DENND1A: variants seen among roughly 807,000 people sequenced by gnomAD.
The protein encoded by DENND1A is DENN domain containing 1A.
Under a neutral mutation model 113.7 loss-of-function variants are expected in DENND1A, and 51 were observed. The ratio of observed to expected loss-of-function variants is 0.45; its 90% confidence interval spans 0.36 to 0.57. DENND1A has a LOEUF of 0.57. DENND1A is among the 20% of genes least tolerant of loss of function. The pLI is 0.00. For missense variants in DENND1A, 1,258 were observed against 1,395.9 expected (o/e 0.90, Z 1.57); for synonymous variants, 565 against 570.8 (o/e 0.99, Z 0.14).
chr9:123,473,571 G>A (rs1330857219), intron 13 of DENND1A, among the ~76,000 whole-genome samples: 1 of 152,172 alleles, frequency 6.6e-6, no homozygotes, highest in Non-Finnish European at 1.5e-5. Flanking sequence ...CCAGACCTGT[G>A]TGCCCTCACT....
chr9:123,912,847 C>CCA (rs1156617969), intron 1 of DENND1A, among the ~76,000 whole-genome samples: 1 of 152,082 alleles, frequency 6.6e-6, no homozygotes, highest in Non-Finnish European at 1.5e-5. Flanking sequence ...TGGGACAAGA[C>CCA]CACTCCCCTC....
chr9:123,806,477 G>A (rs777427509), intron 2 of DENND1A, among the ~76,000 whole-genome samples: 1 of 152,068 alleles, frequency 6.6e-6, no homozygotes, highest in Non-Finnish European at 1.5e-5. Flanking sequence ...GGTTGGTCTC[G>A]AACTCCTGAC....
chr9:123,668,632 G>A (rs139054209), intron 7 of DENND1A, among the ~76,000 whole-genome samples: 2 of 152,332 alleles, frequency 1.3e-5, no homozygotes, highest in East Asian at 3.9e-4. Flanking sequence ...CACCATGACA[G>A]ACTGTTATAC....
chr9:123,789,635 C>G, intron 3 of DENND1A, among the ~76,000 whole-genome samples: 1 of 152,124 alleles, frequency 6.6e-6, no homozygotes, highest in East Asian at 1.9e-4. Context: ...TAATACATCT[C>G]CGGGACCACA....
chr9:123,646,707 A>T (rs1294213820), intron 9 of DENND1A, among the ~76,000 whole-genome samples: 1 of 151,970 alleles, frequency 6.6e-6, no homozygotes, highest in Non-Finnish European at 1.5e-5. Flanking sequence ...CTTATCGAGG[A>T]CCTATGATAC....
At chr9:123,728,479 C>CAAAAAAAAA (rs60761810) in intron 5 of DENND1A, among the ~76,000 whole-genome samples, 425 of 25,202 alleles carry the variant, frequency 0.017, 98 homozygotes, top group African/African-American at 0.033. Flanking sequence ...CTCTGTCTCC[C>CAAAAAAAAA]AAAAAAAAAA....
intron 13 of DENND1A, among the ~76,000 whole-genome samples, chr9:123,479,747 C>T (rs912797420): frequency 1.3e-5 from 2 of 152,238 alleles, no homozygotes; most frequent in Non-Finnish European, 2.9e-5. Context: ...GGACCCCAAA[C>T]GCCTTTTGGC....
chr9:123,856,926 T>C (rs1168894063), intron 2 of DENND1A, among the ~76,000 whole-genome samples: 3 of 151,496 alleles, frequency 2.0e-5, no homozygotes, highest in East Asian at 1.9e-4. Flanking sequence ...GTTACAAATA[T>C]GGAAAGGGAG....
intron 11 of DENND1A, among the ~76,000 whole-genome samples, chr9:123,593,508 C>T (rs1391099436): frequency 6.6e-6 from 1 of 152,086 alleles, no homozygotes; most frequent in East Asian, 1.9e-4. Context: ...GGCACAGTGT[C>T]ATGTGTTATT....
At chr9:123,678,908 TA>T (rs1450226154) in intron 5 of DENND1A, among the ~76,000 whole-genome samples, 1 of 152,238 alleles carries the variant, frequency 6.6e-6, no homozygotes, top group East Asian at 1.9e-4. Context: ...TCTCCTTTCC[TA>T]TTCTGTTAAA....
At chr9:123,868,594 A>G (rs1846105201) in intron 2 of DENND1A, among the ~76,000 whole-genome samples, 1 of 152,226 alleles carries the variant, frequency 6.6e-6, no homozygotes, top group African/African-American at 2.4e-5. Context: ...CTCACTGCTC[A>G]AAAGGATTTC....
At chr9:123,911,776 C>T (rs1004654676) in intron 1 of DENND1A, among the ~76,000 whole-genome samples, 18 of 151,938 alleles carry the variant, frequency 1.2e-4, no homozygotes, top group East Asian at 9.7e-4. Flanking sequence ...CTGCAAGCTC[C>T]GCCTCCTGGG....
At chr9:123,641,715 G>A (rs1396766047) in intron 9 of DENND1A, among the ~76,000 whole-genome samples, 2 of 152,124 alleles carry the variant, frequency 1.3e-5, no homozygotes, top group Non-Finnish European at 2.9e-5. Flanking sequence ...TGAGTCTAAC[G>A]ATGCAAAATA....
chr9:123,678,502 C>T (rs189894835), intron 5 of DENND1A, among the ~76,000 whole-genome samples: 169 of 152,246 alleles, frequency 1.1e-3, no homozygotes, highest in African/African-American at 3.8e-3. Context: ...AGTCCAATAC[C>T]GACAGATATG....
At chr9:123,886,159 A>C (rs1165968874) in intron 1 of DENND1A, among the ~76,000 whole-genome samples, 1 of 152,186 alleles carries the variant, frequency 6.6e-6, no homozygotes, top group Non-Finnish European at 1.5e-5. Context: ...TTTAGGCAGC[A>C]GCAAAGCTTA....
intron 19 of DENND1A, among the ~76,000 whole-genome samples, chr9:123,436,659 C>T (rs774179606): frequency 6.6e-6 from 1 of 152,198 alleles, no homozygotes; most frequent in Non-Finnish European, 1.5e-5. Context: ...TAACTAGAAA[C>T]CTATTTACTT....
At chr9:123,767,302 C>G (rs1036335813) in intron 4 of DENND1A, among the ~76,000 whole-genome samples, 2 of 151,894 alleles carry the variant, frequency 1.3e-5, no homozygotes, top group African/African-American at 4.8e-5. Flanking sequence ...AAGTTATCAA[C>G]ACCCATAGGG....
chr9:123,457,385 A>G lies in DENND1A; in HGVS notation c.1149T>C (p.Asp383=). The G allele has an allele frequency of 6.2e-7, 1 of 1,614,142 alleles. No homozygotes were observed. Among genetic ancestry groups the G allele is most frequent in the Non-Finnish European group, 8.5e-7 (1 of 1,179,986 alleles). The part of the protein sequence containing the change: ...DLLNSGEGFS[D]VFEEEINMGE... Reference sequence around the variant, plus strand: ...CCATGTTGATTTCCTCTTCAAAAACATCACTGAAACCTTCGCCGGAATTGA... The same window carrying G: ...CCATGTTGATTTCCTCTTCAAAAACGTCACTGAAACCTTCGCCGGAATTGA... The change falls in exon 15 of 24, where the codon GAT becomes GAC. Residue 383 remains aspartate (D), a synonymous_variant. Transcript: ENST00000394215.
chr9:123,429,076 T>C (rs1176916158), intron 19 of DENND1A, among the ~76,000 whole-genome samples: 5 of 152,186 alleles, frequency 3.3e-5, no homozygotes, highest in African/African-American at 1.2e-4. Flanking sequence ...AGAGCCCGAA[T>C]AGCCAAGACA....
Sources: allele counts gnomAD v4.1 joint callset (sites outside exome capture counted in the v4.1 genomes callset), GRCh38; gene constraint gnomAD v4.1.1; transcripts MANE v1.5; gene names NCBI Gene and HGNC (gene_info 2026-07-23, HGNC 2026-07-21).